Variants in SLC2A9 observed in about 807,000 individuals in gnomAD.
The protein encoded by SLC2A9 is solute carrier family 2 member 9, also known as solute carrier family 2, facilitated glucose transporter member 9.
In SLC2A9, 39 loss-of-function variants were observed where a neutral mutation model predicts 50.6. The observed-to-expected ratio is 0.77, with a 90% CI of 0.60 to 1.01. The LOEUF (loss-of-function observed/expected upper bound fraction) is 1.01, where lower values mean the gene tolerates loss of function less well. Among genes scored for constraint, SLC2A9 ranks in the 50% least tolerant of loss-of-function variants. The pLI is 0.00. For synonymous variants in SLC2A9, 324 were observed against 276.9 expected, an observed-to-expected ratio of 1.17 and a Z score of -1.69; for missense variants, 686 against 677.6, an observed-to-expected ratio of 1.01 and a Z score of -0.14.
intron 10 of SLC2A9, among the ~76,000 whole-genome samples, chr4:9,852,517 G>A (rs1291071971): frequency 3.3e-5 from 5 of 152,112 alleles, no homozygotes; most frequent in Non-Finnish European, 7.4e-5. Context: ...CTCCCAAAGT[G>A]CTGGGATTAC....
At chr4:9,788,837 A>G (rs1350822399) in intron 3 of SLC2A9, among the ~76,000 whole-genome samples, 4 of 152,206 alleles carry the variant, frequency 2.6e-5, no homozygotes, top group African/African-American at 9.7e-5. Context: ...GAGATATGTC[A>G]GACTCATCTT....
intron 10 of SLC2A9, chr4:9,880,106 G>A (rs1022750331): frequency 1.8e-5 from 18 of 985,242 alleles, no homozygotes; most frequent in East Asian, 1.1e-4. Context: ...ACACTTTCCC[G>A]GGTGGCTCCC....
intron 3 of SLC2A9, among the ~76,000 whole-genome samples, chr4:9,993,698 C>A (rs1758101671): frequency 6.6e-6 from 1 of 151,982 alleles, no homozygotes; most frequent in African/African-American, 2.4e-5. Context: ...GTCATGCAAG[C>A]AGAGGACAGA....
chr4:9,843,665 T>C (rs1285812765), intron 10 of SLC2A9, among the ~76,000 whole-genome samples: 3 of 152,198 alleles, frequency 2.0e-5, no homozygotes, highest in Non-Finnish European at 4.4e-5. Flanking sequence ...GACAATGGAA[T>C]TGATTTTATG....
chr4:9,782,867 C>T (rs1718668677), intron 3 of SLC2A9: 4 of 1,613,364 alleles, frequency 2.5e-6, no homozygotes, highest in Admixed American at 1.7e-5. Flanking sequence ...AGCCTGCGCG[C>T]CCGACACCAG....
intron 3 of SLC2A9, among the ~76,000 whole-genome samples, chr4:9,814,644 G>A (rs542875550): frequency 2.8e-4 from 43 of 152,292 alleles, no homozygotes; most frequent in African/African-American, 1.0e-3. Context: ...GAGCTTAGGT[G>A]GGACAGTGGA....
chr4:9,887,936 T>A (rs77114052), intron 9 of SLC2A9, among the ~76,000 whole-genome samples: 70 of 152,288 alleles, frequency 4.6e-4, no homozygotes, highest in African/African-American at 1.6e-3. Context: ...GAGGGCTTAG[T>A]TGGCATCAGG....
chr4:9,860,735 GC>G (rs1731479893), intron 10 of SLC2A9, among the ~76,000 whole-genome samples: 1 of 152,222 alleles, frequency 6.6e-6, no homozygotes, highest in African/African-American at 2.4e-5. Context: ...TTCTGATGGA[GC>G]CCAAATATGA....
intron 1 of SLC2A9, among the ~76,000 whole-genome samples, chr4:10,019,553 G>C (rs867383499): frequency 2.0e-5 from 3 of 152,344 alleles, no homozygotes; most frequent in Middle Eastern, 3.4e-3. Flanking sequence ...AGCGTGGCTG[G>C]TGCTGTCTAG....
rs189430291 is a variant in SLC2A9 at position 9,949,678 on chromosome 4, C to T, written c.682-7633G>A. ...CTGCTGCCTTGCCACCTTCCCTTCCCTCATGGTGGCAGCTGCTAGCTGAAT... is the reference window on the plus strand; with the variant it reads ...CTGCTGCCTTGCCACCTTCCCTTCCTTCATGGTGGCAGCTGCTAGCTGAAT... On this transcript the variant is annotated intron_variant, in intron 5 of 11. Coordinates refer to ENST00000264784, the MANE Select transcript of SLC2A9 (RefSeq NM_020041.3). Among the ~76,000 whole-genome samples the T allele has an allele frequency of 1.7e-3, 252 of 152,292 alleles. 1 individual carries two copies. The highest frequency in any genetic ancestry group is 5.4e-3 in the African/African-American group (225 of 41,552).
intron 6 of SLC2A9, 132 bp downstream of exon 6, chr4:9,941,781 C>A: frequency 1.5e-6 from 2 of 1,315,428 alleles, no homozygotes; most frequent in Non-Finnish European, 2.1e-6. Context: ...CCCTATGATA[C>A]CCAGCCCAGT....
chr4:10,010,774 C>G (rs969357472), intron 2 of SLC2A9, among the ~76,000 whole-genome samples: 1 of 152,216 alleles, frequency 6.6e-6, no homozygotes, highest in African/African-American at 2.4e-5. Flanking sequence ...TGAACTGTCC[C>G]GCCCACCTCA....
intron 3 of SLC2A9, chr4:9,783,540 T>A (rs1718816189): frequency 2.2e-6 from 3 of 1,349,546 alleles, no homozygotes; most frequent in Admixed American, 4.6e-5. Flanking sequence ...CGCAAATACA[T>A]GCCTTTCCAG....
At chr4:9,776,186 T>A (rs1717539888), downstream of SLC2A9, among the ~76,000 whole-genome samples, 1 of 132,964 alleles carries the variant, frequency 7.5e-6, no homozygotes, top group African/African-American at 3.0e-5. Context: ...AGTCTTTCTT[T>A]CTTTTTTTTT....
At chr4:9,858,346 C>T (rs994504417) in intron 10 of SLC2A9, among the ~76,000 whole-genome samples, 1 of 152,176 alleles carries the variant, frequency 6.6e-6, no homozygotes, top group Non-Finnish European at 1.5e-5. Context: ...GTCTTTGTGA[C>T]TGTCTAGGGT....
At chr4:9,832,897 G>GGCAA (rs1347178516) in intron 11 of SLC2A9, among the ~76,000 whole-genome samples, 2 of 152,126 alleles carry the variant, frequency 1.3e-5, no homozygotes, top group Non-Finnish European at 2.9e-5. Context: ...AACTGTGGCA[G>GGCAA]GCAAGCAAGG....
intron 5 of SLC2A9, among the ~76,000 whole-genome samples, chr4:9,964,089 C>A (rs1473647034): frequency 3.3e-5 from 5 of 152,136 alleles, no homozygotes; most frequent in African/African-American, 1.2e-4. Flanking sequence ...GGAGTCAACA[C>A]TGAATATCGA....
At chr4:9,819,539 T>G (rs1188711905) in intron 3 of SLC2A9, among the ~76,000 whole-genome samples, 1 of 152,266 alleles carries the variant, frequency 6.6e-6, no homozygotes, top group Non-Finnish European at 1.5e-5. Flanking sequence ...TTGAATGCTC[T>G]TCATGTATTT....
chr4:9,881,090 G>A (rs1261235136), intron 10 of SLC2A9, among the ~76,000 whole-genome samples: 1 of 152,224 alleles, frequency 6.6e-6, no homozygotes, highest in Admixed American at 6.5e-5. Context: ...CGAGCACTTA[G>A]CTGTCATCAG....
Sources: allele counts gnomAD v4.1 joint callset (sites outside exome capture counted in the v4.1 genomes callset), GRCh38; gene constraint gnomAD v4.1.1; transcripts MANE v1.5; gene names NCBI Gene and HGNC (gene_info 2026-07-23, HGNC 2026-07-21).